The following SLC14A2 variants were observed in gnomAD, a reference collection of about 807,000 sequenced individuals.
SLC14A2 encodes urea transporter 2.
A neutral mutation model predicts 104.6 loss-of-function variants in SLC14A2; 91 were observed. The ratio of observed to expected loss-of-function variants is 0.87; its 90% CI spans 0.73 to 1.04. The LOEUF is 1.04. Ranked by LOEUF, SLC14A2 falls within the 50% of genes least tolerant of loss-of-function variation. The pLI is 0.00. For synonymous variants in SLC14A2, 476 were observed against 466.4 expected (o/e 1.02, Z -0.27); for missense variants, 1,189 against 1,156.0 (o/e 1.03, Z -0.41).
At chr18:45,476,588 T>C (rs1056956254) in intron 1 of SLC14A2, among the ~76,000 whole-genome samples, 4 of 152,214 alleles carry the variant, frequency 2.6e-5, no homozygotes, top group African/African-American at 9.6e-5. Context: ...CCAACTTGGT[T>C]CCATTCTCCC....
intron 2 of SLC14A2, among the ~76,000 whole-genome samples, chr18:45,548,324 G>A (rs1227026860): frequency 6.6e-6 from 1 of 152,176 alleles, no homozygotes; most frequent in Non-Finnish European, 1.5e-5. Context: ...TTCCTTCAGT[G>A]AGGAAGAAGA....
intron 2 of SLC14A2, among the ~76,000 whole-genome samples, chr18:45,488,887 G>A (rs966073834): frequency 1.3e-5 from 2 of 152,220 alleles, no homozygotes; most frequent in African/African-American, 4.8e-5. Flanking sequence ...AGCCAGCACT[G>A]CATAAGGATA....
intron 5 of SLC14A2, 150 bp downstream of exon 5, chr18:45,632,628 C>G (rs907725479): frequency 2.6e-6 from 2 of 778,782 alleles, no homozygotes; most frequent in Non-Finnish European, 4.2e-6. Flanking sequence ...CCCATGAGTT[C>G]TCTTGTAACA....
rs560226902 is a variant in SLC14A2, at chr18:45,423,236, A to G, written c.-124-59997A>G. On this transcript the variant is annotated intron_variant, in intron 1 of 20. Coordinates refer to the SLC14A2 transcript ENST00000586448. ...AGGGACCCGAACTTCCCACAATCCCATAATGTTTTATGAGCAGTTTTACAA... is the reference window on the plus strand; with the variant it reads ...AGGGACCCGAACTTCCCACAATCCCGTAATGTTTTATGAGCAGTTTTACAA... Among the ~76,000 whole-genome samples, 24 of 152,276 alleles carry G rather than the reference A, an allele frequency of 1.6e-4. 1 individual carries two copies. Among genetic ancestry groups the G allele is most frequent in the African/African-American group, 5.3e-4 (22 of 41,558 alleles).
intron 2 of SLC14A2, among the ~76,000 whole-genome samples, chr18:45,601,150 T>G (rs999541331): frequency 2.4e-4 from 36 of 152,118 alleles, no homozygotes; most frequent in African/African-American, 8.5e-4. Flanking sequence ...CATGGTATGG[T>G]GGAAAAACAA....
At chr18:45,270,929 T>C (rs59173965) in intron 1 of SLC14A2, among the ~76,000 whole-genome samples, 44,115 of 152,086 alleles carry the variant, frequency 0.29, 7,560 homozygotes, top group African/African-American at 0.48. Context: ...TGAGAAAGCC[T>C]GAAAGAAAGC....
chr18:45,347,614 T>C (rs1490837576), intron 1 of SLC14A2, among the ~76,000 whole-genome samples: 2 of 152,222 alleles, frequency 1.3e-5, no homozygotes, highest in Non-Finnish European at 2.9e-5. Flanking sequence ...CTGGTGCTAA[T>C]ACCATCTGGT....
chr18:45,207,791 C>CA, the SLC14A2 span, among the ~76,000 whole-genome samples: 3,131 of 151,574 alleles, frequency 0.021, 47 homozygotes, highest in African/African-American at 0.032. Flanking sequence ...TCTAGTATTG[C>CA]ATTTTTTTTA....
At chr18:45,423,504 C>T (rs904408843) in intron 1 of SLC14A2, among the ~76,000 whole-genome samples, 7 of 152,064 alleles carry the variant, frequency 4.6e-5, no homozygotes, top group African/African-American at 7.2e-5. Flanking sequence ...GGAGGTGCAA[C>T]AGAACATTCT....
At chr18:45,307,570 T>C (rs943672774) in intron 1 of SLC14A2, among the ~76,000 whole-genome samples, 1 of 152,120 alleles carries the variant, frequency 6.6e-6, no homozygotes, top group Admixed American at 6.5e-5. Context: ...CCCTCAGCTA[T>C]GTTTTCAAGA....
intron 2 of SLC14A2, among the ~76,000 whole-genome samples, chr18:45,544,786 CTTTT>C (rs71373715): frequency 2.3e-5 from 2 of 88,864 alleles, no homozygotes; most frequent in Non-Finnish European, 4.3e-5. Flanking sequence ...TCAATAATGT[CTTTT>C]TTTTTTTTTT....
chr18:45,234,982 G>A (rs2084210810), intron 1 of SLC14A2, among the ~76,000 whole-genome samples: 1 of 152,042 alleles, frequency 6.6e-6, no homozygotes, highest in East Asian at 1.9e-4. Flanking sequence ...AGAACTTTAG[G>A]TGTTTTTCTT....
rs1354018418 is a variant in SLC14A2 at position 45,670,417 on chromosome 18, GC to G, written c.2229+922del. Among the ~76,000 whole-genome samples the G allele has an allele frequency of 5.9e-5, 9 of 152,102 alleles. No individual in the cohort carries two copies. The East Asian group carries it at 1.7e-3, about 29-fold the overall frequency. ...TCTAACAAGGCACGTTTTCTCCAAG[GC>G]CCTCCTACTTTCCGTTACACGAAAC... On this transcript the variant is annotated intron_variant, in intron 16 of 19. Transcript: ENST00000255226.
At chr18:45,613,113 C>A (rs112855273), upstream of SLC14A2, among the ~76,000 whole-genome samples, 2,595 of 152,294 alleles carry the variant, frequency 0.017, 65 homozygotes, top group African/African-American at 0.058. Context: ...CGGCTCACTG[C>A]AAGCTCCGCC....
At chr18:45,262,386 T>A (rs1392793325) in intron 1 of SLC14A2, among the ~76,000 whole-genome samples, 1 of 152,058 alleles carries the variant, frequency 6.6e-6, no homozygotes, top group African/African-American at 2.4e-5. Flanking sequence ...TGGGAAACAC[T>A]GTGATGTCCA....
intron 1 of SLC14A2, among the ~76,000 whole-genome samples, chr18:45,228,936 T>C (rs1313758731): frequency 6.6e-6 from 1 of 152,124 alleles, no homozygotes; most frequent in Non-Finnish European, 1.5e-5. Context: ...TGATTAAACA[T>C]TGGCCCGGTT....
At chr18:45,359,161 G>A (rs548398492) in intron 1 of SLC14A2, among the ~76,000 whole-genome samples, 15 of 152,252 alleles carry the variant, frequency 9.9e-5, no homozygotes, top group East Asian at 1.9e-4. Flanking sequence ...GGTTCCATCC[G>A]GGATTCTTCC....
At chr18:45,644,264 C>T in intron 10 of SLC14A2, 104 bp downstream of exon 10, 1 of 1,138,518 alleles carries the variant, frequency 8.8e-7, no homozygotes, top group South Asian at 1.4e-5. Context: ...ACCTTCTTTG[C>T]CTCTCCTTGC....
intron 4 of SLC14A2, among the ~76,000 whole-genome samples, chr18:45,628,644 C>T (rs994565552): frequency 1.3e-5 from 2 of 151,966 alleles, no homozygotes; most frequent in Admixed American, 6.6e-5. Context: ...GATCACCAAG[C>T]CATTTCCAGA....
Sources: allele counts gnomAD v4.1 joint callset (sites outside exome capture counted in the v4.1 genomes callset), GRCh38; gene constraint gnomAD v4.1.1; transcripts MANE v1.5; gene names NCBI Gene and HGNC (gene_info 2026-07-23, HGNC 2026-07-21).